The following RPP30 variants were observed in gnomAD, a reference collection of about 807,000 sequenced individuals.
RPP30 encodes the protein ribonuclease P protein subunit p30.
Under a neutral mutation model 38.6 loss-of-function variants are expected in RPP30, and 36 were observed. The observed-to-expected ratio is 0.93, with a 90% CI of 0.71 to 1.23. The LOEUF (loss-of-function observed/expected upper bound fraction) is 1.23, where lower values mean the gene tolerates loss of function less well. Among genes scored for constraint, RPP30 ranks in the 50% most tolerant of loss-of-function variants. The pLI, the probability that RPP30 is intolerant of heterozygous loss-of-function variation, is 0.00. For missense variants in RPP30, 321 were observed against 321.7 expected (o/e 1.00, Z 0.02); for synonymous variants, 126 against 112.7 (o/e 1.12, Z -0.75).
chr10:90,892,765 C>T (rs1173394390), intron 6 of RPP30, among the ~76,000 whole-genome samples: 1 of 152,138 alleles, frequency 6.6e-6, no homozygotes, highest in East Asian at 1.9e-4. Context: ...GATAATATGG[C>T]TAAAAGGGAT....
chr10:90,896,925 TC>T (rs1847145819), intron 10 of RPP30, among the ~76,000 whole-genome samples: 1 of 152,178 alleles, frequency 6.6e-6, no homozygotes, highest in African/African-American at 2.4e-5. Context: ...TATTTTTTTT[TC>T]TTTTTCTAAA....
rs867777201 is a variant in RPP30, at chr10:90,901,361, A to G, written c.*682A>G. 2.0e-6 allele frequency: 2 copies of G among 982,938 alleles called. No individual in the cohort carries two copies. The highest frequency in any genetic ancestry group is 1.7e-5 in the African/African-American group (1 of 57,156). The allele number at this position is 982,938 out of a possible 1,614,324, so 60.9% of individuals were successfully genotyped here. A position where few individuals can be genotyped will look rare whatever the true frequency, so the allele number is the denominator to read the frequency against. On this transcript the variant is annotated 3_prime_UTR_variant, in exon 11 of 11. Coordinates refer to ENST00000371703, the MANE Select transcript of RPP30 (RefSeq NM_006413.5). ...ATAGTAGTTATTTTGAAGATATTCAAACTTATATTGAAGAAGTGACTTTAG... is the reference window on the plus strand; with the variant it reads ...ATAGTAGTTATTTTGAAGATATTCAGACTTATATTGAAGAAGTGACTTTAG...
At chr10:90,897,920 C>A (rs1038016492) in intron 10 of RPP30, among the ~76,000 whole-genome samples, 1 of 152,118 alleles carries the variant, frequency 6.6e-6, no homozygotes, top group Admixed American at 6.5e-5. Flanking sequence ...AAGCATATGT[C>A]TTGTGTTATA....
At chr10:90,881,962 A>AG (rs1846934922) in intron 5 of RPP30, among the ~76,000 whole-genome samples, 15 of 152,298 alleles carry the variant, frequency 9.8e-5, no homozygotes, top group African/African-American at 3.6e-4. Flanking sequence ...ATATACCATT[A>AG]TATTTTCTAC....
chr10:90,906,353 G>GT (rs1378776492), downstream of RPP30, among the ~76,000 whole-genome samples: 9 of 152,300 alleles, frequency 5.9e-5, no homozygotes, highest in Non-Finnish European at 1.2e-4. Flanking sequence ...TGTGAAAACA[G>GT]TAAAGCAAGT....
rs147884661 is a variant in RPP30 at position 90,876,069 on chromosome 10, G to A, written c.241G>A (p.Val81Ile). ...AATTTTAACTAGATTAACAATTATT[G>A]TCTCGGATCCATCTCACTGCAATGT... is the stretch of plus-strand genomic sequence containing the variant. ...IKILTRLTIIVSDPSHCNVLR... is the reference protein window; with the variant it reads ...IKILTRLTIIISDPSHCNVLR... The change falls in exon 4 of 11, where the codon GTC becomes ATC. Residue 81 changes from valine to isoleucine, a missense_variant. Coordinates refer to ENST00000371703, the MANE Select transcript of RPP30 (RefSeq NM_006413.5). 267 of 1,582,572 alleles carry A rather than the reference G, an allele frequency of 1.7e-4. No individual in the cohort carries two copies. The highest frequency in any genetic ancestry group is 2.1e-4 in the Non-Finnish European group (246 of 1,151,928).
intron 6 of RPP30, among the ~76,000 whole-genome samples, chr10:90,893,950 C>A (rs577397086): frequency 1.1e-4 from 17 of 152,302 alleles, no homozygotes; most frequent in Admixed American, 1.1e-3. Context: ...ATTTCAATAT[C>A]ATTTCCACTC....
chr10:90,896,055 T>C (rs1847135603), intron 9 of RPP30, 138 bp downstream of exon 9: 3 of 694,760 alleles, frequency 4.3e-6, no homozygotes, highest in African/African-American at 1.8e-5. Flanking sequence ...AAATAAATTA[T>C]ATAACATTAT....
intron 10 of RPP30, 58 bp from the exon 11 acceptor site, chr10:90,900,512 C>T: frequency 1.3e-6 from 2 of 1,540,390 alleles, no homozygotes; most frequent in South Asian, 2.5e-5. Context: ...TGTTAAACCA[C>T]CTCATTTTAA....
chr10:90,883,206 GTGCCATAGAGGC>G (rs1846954280), intron 5 of RPP30, among the ~76,000 whole-genome samples: 1 of 150,914 alleles, frequency 6.6e-6, no homozygotes, highest in Non-Finnish European at 1.5e-5. Context: ...TATTCCTTTT[GTGCCATAGAGGC>G]AAAGATGTGT....
intron 10 of RPP30, 119 bp downstream of exon 10, chr10:90,896,511 C>G: frequency 1.4e-6 from 1 of 738,564 alleles, no homozygotes; most frequent in South Asian, 1.7e-5. Flanking sequence ...CTTTTCTCAA[C>G]CTGTTCTAAA....
chr10:90,884,775 A>AGGTCATTT (rs1846977273), intron 5 of RPP30, among the ~76,000 whole-genome samples: 1 of 152,168 alleles, frequency 6.6e-6, no homozygotes, highest in South Asian at 2.1e-4. Flanking sequence ...CCAATCCTAT[A>AGGTCATTT]GGTCATTTTC....
At position 90,900,669 on chromosome 10, in the gene RPP30, G is replaced by T; in HGVS notation, c.797G>T (p.Cys266Phe). 6.2e-7 allele frequency: 1 copy of T among 1,613,458 alleles called. No individual in the cohort carries two copies. The highest frequency in any genetic ancestry group is 8.5e-7 in the Non-Finnish European group (1 of 1,179,706). ...DCLPASKKAK[C>F]EG ...CTTCCAGCTTCCAAGAAAGCCAAGT[G>T]TGAGGGCTGAAAAGAATGCCCCAGT... Residue 266 changes from cysteine to phenylalanine, a missense_variant, in exon 11 of 11, where the codon TGT (cysteine) becomes TTT (phenylalanine). Cys to Phe is a radical substitution (Grantham distance 205). Transcript: ENST00000371703.
At position 90,894,808 on chromosome 10, in the gene RPP30, T is replaced by G; in HGVS notation, c.466T>G (p.Tyr156Asp). 6.2e-7 allele frequency: 1 copy of G among 1,613,544 alleles called. No individual in the cohort carries two copies. The highest frequency in any genetic ancestry group is 8.5e-7 in the Non-Finnish European group (1 of 1,179,544). Residue 156 changes from tyrosine (Y) to aspartate (D), a missense_variant, in exon 7 of 11, where the codon TAT becomes GAT. Physicochemically the swap from Tyr to Asp is radical, Grantham distance 160 (BLOSUM62 -3). Coordinates refer to ENST00000371703, the MANE Select transcript of RPP30 (RefSeq NM_006413.5). ...CCGAGGCCTGGCTTTTGAACTTGTC[T>G]ATAGCCCTGCTATCAAAGACTCCAC... Reference protein sequence around the residue: ...IDRGLAFELVYSPAIKDSTMR... With the variant: ...IDRGLAFELVDSPAIKDSTMR...
chr10:90,895,857 A>T (rs767421586), intron 8 of RPP30, 23 bp from the exon 9 acceptor site: 6 of 1,553,354 alleles, frequency 3.9e-6, no homozygotes, highest in Non-Finnish European at 5.3e-6. Flanking sequence ...TCTCATATCT[A>T]CTCTTTGTTC....
At chr10:90,904,335 GA>G (rs1401460711), downstream of RPP30, among the ~76,000 whole-genome samples, 2 of 152,126 alleles carry the variant, frequency 1.3e-5, no homozygotes, top group Non-Finnish European at 2.9e-5. Flanking sequence ...GTGCATAGGG[GA>G]AAGAAAAACT....
chr10:90,903,645 A>G (rs1248093261), downstream of RPP30, among the ~76,000 whole-genome samples: 1 of 152,244 alleles, frequency 6.6e-6, no homozygotes, highest in Non-Finnish European at 1.5e-5. Context: ...AGCAGAGGCA[A>G]GTTTCCTTCT....
At chr10:90,903,130 A>G, downstream of RPP30, 1 of 853,136 alleles carries the variant, frequency 1.2e-6, no homozygotes, top group East Asian at 2.4e-5. Flanking sequence ...TTTGGGGGTG[A>G]TCAGTAAAAA....
intron 5 of RPP30, among the ~76,000 whole-genome samples, chr10:90,880,616 A>T (rs979141614): frequency 2.0e-5 from 3 of 152,152 alleles, no homozygotes; most frequent in Non-Finnish European, 1.5e-5. Flanking sequence ...GCTACTCGGG[A>T]GGCTGAGGCA....
Sources: gnomAD v4.1 joint callset for allele counts (sites outside exome capture counted in the v4.1 genomes callset) on GRCh38, gnomAD v4.1.1 for gene constraint, MANE v1.5 for transcripts, NCBI Gene and HGNC (gene_info 2026-07-23, HGNC 2026-07-21) for gene names.